AJAP1: variants seen among roughly 807,000 people sequenced by gnomAD.
AJAP1 encodes adherens junction-associated protein 1.
Under a neutral mutation model 35.0 loss-of-function variants are expected in AJAP1, and 5 were observed. That is an observed-to-expected ratio of 0.14 (90% CI 0.07 to 0.30). AJAP1 has a LOEUF of 0.30. Ranked by LOEUF, AJAP1 falls within the 10% of genes least tolerant of loss-of-function variation. AJAP1 has a pLI of 1.00. For synonymous variants in AJAP1, 284 were observed against 249.3 expected (o/e 1.14, Z -1.31); for missense variants, 586 against 571.0 (o/e 1.03, Z -0.27).
intron 1 of AJAP1, among the ~76,000 whole-genome samples, chr1:4,682,772 ATGT>A (rs1639511660): frequency 6.6e-6 from 1 of 150,440 alleles, no homozygotes; most frequent in South Asian, 2.1e-4. Flanking sequence ...GGTGATTATG[ATGT>A]TGGGGATGAG....
rs996757072 is a variant in AJAP1 at position 4,791,553 on chromosome 1, T to A, written c.*9068T>A. Reference sequence around the variant, plus strand: ...GAAGTCTGATTAGCTTTGAAATGCATCTTTGCCAGCTGAACTTGTCATGCA... The same window carrying A: ...GAAGTCTGATTAGCTTTGAAATGCAACTTTGCCAGCTGAACTTGTCATGCA... On this transcript the variant is annotated 3_prime_UTR_variant, in exon 6 of 6. Transcript: ENST00000378191. The A allele has an allele frequency of 1.3e-5, 2 of 152,224 alleles. No homozygotes were observed. Among genetic ancestry groups the A allele is most frequent in the African/African-American group, 4.8e-5 (2 of 41,454 alleles). 9.4% of individuals were successfully genotyped at this position (152,224 alleles called of 1,614,324 possible).
At chr1:4,765,439 G>A (rs542637197) in intron 2 of AJAP1, among the ~76,000 whole-genome samples, 6 of 140,872 alleles carry the variant, frequency 4.3e-5, no homozygotes, top group African/African-American at 1.6e-4. Context: ...CCAGAGACTT[G>A]ACCAGAGGGA....
intron 2 of AJAP1, among the ~76,000 whole-genome samples, chr1:4,744,517 T>A (rs1329024926): frequency 6.6e-6 from 1 of 152,032 alleles, no homozygotes; most frequent in Non-Finnish European, 1.5e-5. Context: ...GCAGACCTGC[T>A]CACGTGCACA....
At chr1:4,773,384 G>T (rs1381401802) in intron 4 of AJAP1, among the ~76,000 whole-genome samples, 3 of 152,176 alleles carry the variant, frequency 2.0e-5, no homozygotes, top group African/African-American at 7.2e-5. Flanking sequence ...TTGTTCAGGG[G>T]CCCTGGAGAG....
intron 4 of AJAP1, among the ~76,000 whole-genome samples, chr1:4,773,224 G>A (rs1317232426): frequency 6.6e-6 from 1 of 152,138 alleles, no homozygotes; most frequent in African/African-American, 2.4e-5. Context: ...GAGGAGGCTG[G>A]GATCCATTGT....
chr1:4,684,518 C>T (rs1639563453), intron 1 of AJAP1, among the ~76,000 whole-genome samples: 1 of 152,138 alleles, frequency 6.6e-6, no homozygotes, highest in African/African-American at 2.4e-5. Flanking sequence ...GTACCTTGAG[C>T]ACATTCTCAG....
At chr1:4,686,741 C>T (rs1311838831) in intron 1 of AJAP1, among the ~76,000 whole-genome samples, 1 of 152,224 alleles carries the variant, frequency 6.6e-6, no homozygotes, top group Non-Finnish European at 1.5e-5. Flanking sequence ...CTTGCTCTTC[C>T]CGGCTGAGGT....
Position 4,787,385 on chromosome 1 carries a change from G to A in AJAP1, c.*4900G>A, listed in dbSNP as rs1642176219. 5 of 263,556 alleles carry A rather than the reference G, an allele frequency of 1.9e-5. No homozygotes were observed. Among genetic ancestry groups the A allele is most frequent in the South Asian group, 1.7e-4 (5 of 29,706 alleles). The allele number at this position is 263,556 out of a possible 1,614,324, so 16.3% of individuals were successfully genotyped here. Reference sequence around the variant, plus strand: ...ATTGAAGGGGAAGAAAGAGAGGCAGGGGTTGTCTACGTCTCCTCCTCCTGC... The same window carrying A: ...ATTGAAGGGGAAGAAAGAGAGGCAGAGGTTGTCTACGTCTCCTCCTCCTGC... On this transcript the variant is annotated 3_prime_UTR_variant, in exon 6 of 6. Coordinates refer to ENST00000378191, the MANE Select transcript of AJAP1 (RefSeq NM_018836.4).
At chr1:4,728,024 A>C (rs752756014) in intron 2 of AJAP1, among the ~76,000 whole-genome samples, 3 of 152,186 alleles carry the variant, frequency 2.0e-5, no homozygotes, top group Non-Finnish European at 2.9e-5. Flanking sequence ...TGGGACCTTG[A>C]GCAGAGGACC....
Position 4,784,830 on chromosome 1 carries a change from C to T in AJAP1, c.*2345C>T, listed in dbSNP as rs1459959003. ...GCATGGCGCTCCAGCCTGCAGCTCT[C>T]TCTGCGCGCCATCCGGCCTCGTCCA... is the stretch of plus-strand genomic sequence containing the variant. On this transcript the variant is annotated 3_prime_UTR_variant, in exon 6 of 6. Coordinates refer to ENST00000378191, the MANE Select transcript of AJAP1 (RefSeq NM_018836.4). 1 of 152,372 alleles carries T rather than the reference C, an allele frequency of 6.6e-6. No individual in the cohort carries two copies. The highest frequency in any genetic ancestry group is 2.4e-5 in the African/African-American group (1 of 41,470). The allele number at this position is 152,372 out of a possible 1,614,324, so 9.4% of individuals were successfully genotyped here.
chr1:4,757,006 C>T (rs985312613), intron 2 of AJAP1, among the ~76,000 whole-genome samples: 2 of 152,112 alleles, frequency 1.3e-5, no homozygotes, highest in Non-Finnish European at 2.9e-5. Context: ...GTGGCAGAGC[C>T]GGGGGTTCCC....
In AJAP1 at chr1:4,792,223, A is replaced by AT. The variant is rs1642258182; in HGVS notation, c.*9739dup. 1.3e-5 allele frequency: 2 copies of AT among 151,800 alleles called. No individual in the cohort carries two copies. Among genetic ancestry groups the AT allele is most frequent in the South Asian group, 4.1e-4 (2 of 4,826 alleles). The allele number at this position is 151,800 out of a possible 1,614,324, so 9.4% of individuals were successfully genotyped here. A position where few individuals can be genotyped will look rare whatever the true frequency, so the allele number is the denominator to read the frequency against. On this transcript the variant is annotated 3_prime_UTR_variant, in exon 6 of 6. Coordinates refer to ENST00000378191, the MANE Select transcript of AJAP1 (RefSeq NM_018836.4). The stretch of plus-strand genomic sequence containing the variant: ...CAGCTGTCTCTATAGACGTATTTAT[A>AT]TATCATCTTCTTGAGAGAGTTAACC...
At chr1:4,730,892 T>A (rs1190850580) in intron 2 of AJAP1, among the ~76,000 whole-genome samples, 1 of 152,188 alleles carries the variant, frequency 6.6e-6, no homozygotes, top group Non-Finnish European at 1.5e-5. Flanking sequence ...AAACTCTGCC[T>A]GCAGCCCTTC....
At chr1:4,701,426 C>T (rs914587384) in intron 1 of AJAP1, among the ~76,000 whole-genome samples, 18 of 152,306 alleles carry the variant, frequency 1.2e-4, no homozygotes, top group Admixed American at 1.0e-3. Flanking sequence ...GTTTTGGGAG[C>T]AGCTGTAGGT....
At chr1:4,768,227 C>T (rs956054231) in intron 2 of AJAP1, among the ~76,000 whole-genome samples, 14 of 152,304 alleles carry the variant, frequency 9.2e-5, no homozygotes, top group Admixed American at 5.9e-4. Context: ...GTGCTGCAGG[C>T]GCACAGTAGG....
At chr1:4,733,218 T>G (rs978642556) in intron 2 of AJAP1, among the ~76,000 whole-genome samples, 3 of 151,746 alleles carry the variant, frequency 2.0e-5, no homozygotes, top group Non-Finnish European at 2.9e-5. Flanking sequence ...TTTCACGTGA[T>G]TTTTAAAATG....
rs1570143022 is a variant in AJAP1, at chr1:4,712,092, C to A, written c.222C>A (p.Val74=). Residue 74 remains valine, a synonymous_variant, in exon 2 of 6, where the codon GTC becomes GTA. Transcript: ENST00000378191. The stretch of plus-strand genomic sequence containing the variant: ...TTAGGAGTGGACAGCCAGCGCGGGT[C>A]CCGGCCCCGGTGTGGAGCCCCCGGC... ...WSFRSGQPAR[V]PAPVWSPRPP... is the part of the protein sequence containing the mutation. The A allele has an allele frequency of 6.4e-7, 1 of 1,556,904 alleles. No homozygotes were observed. Among genetic ancestry groups the A allele is most frequent in the Non-Finnish European group, 8.6e-7 (1 of 1,158,732 alleles).
Position 4,692,390 on chromosome 1 carries a change from G to A in AJAP1, c.30-19510G>A, listed in dbSNP as rs1406008103. The stretch of plus-strand genomic sequence containing the variant: ...GCCTGCAGGAGAGGCTGGGGGGCAC[G>A]TCTGAGGGTGCAGCAGAGGGATATA... On this transcript the variant is annotated intron_variant, in intron 1 of 5. Transcript: ENST00000378191. This position sits in a 1 kb window ranked among gnomAD's most constrained non-coding sequence, Gnocchi z 4.4. Among the ~76,000 whole-genome samples the A allele has an allele frequency of 6.6e-6, 1 of 152,180 alleles. No individual in the cohort carries two copies. Among genetic ancestry groups the A allele is most frequent in the Non-Finnish European group, 1.5e-5 (1 of 68,026 alleles).
intron 2 of AJAP1, among the ~76,000 whole-genome samples, chr1:4,722,459 C>G (rs970805412): frequency 5.9e-5 from 9 of 152,242 alleles, no homozygotes; most frequent in African/African-American, 2.2e-4. Context: ...GGAGCCTCGT[C>G]CTCTATGTTC....
Sources: gnomAD v4.1 joint callset for allele counts (sites outside exome capture counted in the v4.1 genomes callset) on GRCh38, gnomAD v4.1.1 for gene constraint, Gnocchi (gnomAD v3.1) non-coding constraint, MANE v1.5 for transcripts, NCBI Gene and HGNC (gene_info 2026-07-23, HGNC 2026-07-21) for gene names.